Variants in RBBP8NL observed in about 807,000 individuals in gnomAD.
The protein encoded by RBBP8NL is RBBP8 N-terminal like.
A neutral mutation model predicts 62.2 loss-of-function variants in RBBP8NL; 59 were observed. The ratio of observed to expected loss-of-function variants is 0.95; its 90% CI spans 0.77 to 1.18. The LOEUF is 1.18. RBBP8NL is among the 50% of genes most tolerant of loss of function. The pLI is 0.00. For synonymous variants in RBBP8NL, 412 were observed against 394.1 expected (o/e 1.05, Z -0.54); for missense variants, 896 against 899.5 (o/e 1.00, Z 0.05).
chr20:62,416,273 T>TGGG, intron 5 of RBBP8NL, 37 bp from the exon 6 acceptor site: 2 of 140,718 alleles, frequency 1.4e-5, no homozygotes, highest in Non-Finnish European at 2.8e-5. Flanking sequence ...AGCCAGGGGT[T>TGGG]GGGGGGGACA....
At chr20:62,411,813 G>A (rs1403251793) in intron 13 of RBBP8NL, among the ~76,000 whole-genome samples, 1 of 152,258 alleles carries the variant, frequency 6.6e-6, no homozygotes, top group Non-Finnish European at 1.5e-5. Flanking sequence ...AGCAGGAAGT[G>A]CCTCAAATAA....
chr20:62,414,695 G>T, intron 9 of RBBP8NL, 139 bp from the exon 10 acceptor site: 2 of 1,003,816 alleles, frequency 2.0e-6, no homozygotes, highest in Non-Finnish European at 2.7e-6. Context: ...AAGCTGCATG[G>T]GTCCCATGGC....
chr20:62,413,908 G>A lies in RBBP8NL; in HGVS notation c.1443C>T (p.Ser481=), dbSNP rs377275739. ...CCTGGGGACTGCGAGTCAGGGGTCC[G>A]GACTGGGTGGGTGGCTCGGGGCTGG... ...HTASPEPPTQ[S]GPLTRSPQAL... The change falls in exon 10 of 14, where the codon TCC becomes TCT. Residue 481 remains serine (S), a synonymous_variant. Transcript: ENST00000252998. 114 of 1,593,052 alleles carry A rather than the reference G, an allele frequency of 7.2e-5. No individual in the cohort carries two copies. Among genetic ancestry groups the A allele is most frequent in the Non-Finnish European group, 9.2e-5 (108 of 1,170,686 alleles).
intron 1 of RBBP8NL, among the ~76,000 whole-genome samples, chr20:62,423,401 T>C (rs988415036): frequency 2.6e-5 from 4 of 152,130 alleles, no homozygotes; most frequent in African/African-American, 9.7e-5. Context: ...TGGCTTTTCC[T>C]GGCCAAGGGG....
At chr20:62,426,169 G>C (rs1988804155) in intron 1 of RBBP8NL, among the ~76,000 whole-genome samples, 1 of 151,846 alleles carries the variant, frequency 6.6e-6, no homozygotes, top group Non-Finnish European at 1.5e-5. Context: ...GGTGACAGTG[G>C]CAGTGGAAGC....
chr20:62,424,235 G>C (rs970335482), intron 1 of RBBP8NL, among the ~76,000 whole-genome samples: 1 of 152,034 alleles, frequency 6.6e-6, no homozygotes, highest in Non-Finnish European at 1.5e-5. Context: ...TGGAAGGAGT[G>C]GGGGAAGGGG....
At chr20:62,424,923 T>C (rs970730011) in intron 1 of RBBP8NL, among the ~76,000 whole-genome samples, 3 of 151,424 alleles carry the variant, frequency 2.0e-5, no homozygotes, top group African/African-American at 7.3e-5. Flanking sequence ...GGGGCAGGGG[T>C]CGCATTCCTG....
rs1455249953 is a variant in RBBP8NL at position 62,416,220 on chromosome 20, C to T, written c.330G>A (p.Gly110=). The T allele has an allele frequency of 6.2e-7, 1 of 1,612,304 alleles. No homozygotes were observed. The highest frequency in any genetic ancestry group is 1.3e-5 in the African/African-American group (1 of 74,780). ...RIFILTNEMN[G]LKEENETLKE... ...TCAAGGTCTCGTTCTCTTCCTTCAG[C>T]CCGTTCATCTCGTTGGCTGCAAAAG... Residue 110 remains glycine (G), a synonymous_variant, in exon 6 of 14, where the codon GGG becomes GGA. Transcript: ENST00000252998.
Position 62,416,817 on chromosome 20 carries a change from G to T in RBBP8NL, c.256C>A (p.Arg86=). 1 of 1,588,016 alleles carries T rather than the reference G, an allele frequency of 6.3e-7. No homozygotes were observed. Among genetic ancestry groups the T allele is most frequent in the Non-Finnish European group, 8.6e-7 (1 of 1,167,022 alleles). The change falls in exon 5 of 14, where the codon CGG becomes AGG. Residue 86 remains arginine, a synonymous_variant. Transcript: ENST00000252998. ...CMVTQELARK[R]QQEFESSHLQ... ...TGGGAGCTCTCGAACTCCTGCTGCC[G>T]CTTCCTGGCCAGCTCCTGGGTGACC...
At chr20:62,421,860 A>G (rs552306737) in intron 1 of RBBP8NL, among the ~76,000 whole-genome samples, 1 of 145,042 alleles carries the variant, frequency 6.9e-6, no homozygotes, top group African/African-American at 2.6e-5. Flanking sequence ...TGTGTGTGCC[A>G]TGTGTGTGCA....
intron 11 of RBBP8NL, 34 bp from the exon 12 acceptor site, chr20:62,412,934 T>C (rs1215523657): frequency 5.0e-6 from 8 of 1,610,144 alleles, no homozygotes; most frequent in African/African-American, 1.3e-5. Context: ...CAGGCCAGGC[T>C]GGTGGCACCG....
At chr20:62,416,687 C>T (rs1988574317) in intron 5 of RBBP8NL, 73 bp downstream of exon 5, 18 of 1,040,932 alleles carry the variant, frequency 1.7e-5, no homozygotes, top group South Asian at 4.2e-5. Flanking sequence ...CATGCCCCTA[C>T]ATGGGCTGAA....
At chr20:62,417,433 G>C (rs1016826783) in intron 3 of RBBP8NL, 114 bp from the exon 4 acceptor site, 8 of 770,910 alleles carry the variant, frequency 1.0e-5, no homozygotes, top group Non-Finnish European at 1.3e-5. Context: ...CTTGGTCTGG[G>C]GGCAACGCCT....
chr20:62,416,716 G>A, intron 5 of RBBP8NL, 44 bp downstream of exon 5: 1 of 1,402,148 alleles, frequency 7.1e-7, no homozygotes, highest in South Asian at 1.2e-5. Context: ...GGGTCGCCTG[G>A]CCCCGTGGGA....
At position 62,413,952 on chromosome 20, in the gene RBBP8NL, G is replaced by T; in HGVS notation, c.1399C>A (p.Pro467Thr). The change falls in exon 10 of 14, where the codon CCT becomes ACT. Residue 467 changes from proline to threonine, a missense_variant. Pro to Thr is a conservative substitution (Grantham distance 38, BLOSUM62 -1). Coordinates refer to ENST00000252998, the MANE Select transcript of RBBP8NL (RefSeq NM_080833.3). The stretch of plus-strand genomic sequence containing the variant: ...GGGCTGGCAGTGTGGGCAGCGGCAG[G>T]GCTGAGTGACCCATGCTGGCCGGCC... ...KPAGQHGSLSPAAAHTASPEP... is the reference protein window; with the variant it reads ...KPAGQHGSLSTAAAHTASPEP... The T allele has an allele frequency of 6.3e-7, 1 of 1,583,214 alleles. No individual in the cohort carries two copies. Among genetic ancestry groups the T allele is most frequent in the East Asian group, 2.3e-5 (1 of 43,170 alleles).
chr20:62,420,383 C>T (rs1371867361), intron 1 of RBBP8NL, among the ~76,000 whole-genome samples: 1 of 136,726 alleles, frequency 7.3e-6, no homozygotes, highest in Non-Finnish European at 1.6e-5. Context: ...CACACACACA[C>T]ACACACACAC....
In RBBP8NL at chr20:62,418,468, G is replaced by C. The variant is rs80077607; in HGVS notation, c.62-3C>G. Reference sequence around the variant, plus strand: ...TTCCAGAAGCTTGTTCTGCAGGCCTGGGGGAGCAAGCAGAGGGGCGGGGGG... The same window carrying C: ...TTCCAGAAGCTTGTTCTGCAGGCCTCGGGGAGCAAGCAGAGGGGCGGGGGG... On this transcript the variant is annotated splice_region_variant and splice_polypyrimidine_tract_variant and intron_variant, in intron 2 of 13. Coordinates refer to ENST00000252998, the MANE Select transcript of RBBP8NL (RefSeq NM_080833.3). 2.4e-5 allele frequency: 37 copies of C among 1,550,046 alleles called. No individual in the cohort carries two copies. In the Middle Eastern group the frequency reaches 1.0e-3, roughly 42 times the overall value.
rs746646870 is a variant in RBBP8NL at position 62,413,862 on chromosome 20, C to T, written c.1489G>A (p.Gly497Arg). Reference sequence around the variant, plus strand: ...TCCTCCTGCTCTGGCACTCTGGTCCCCTTGGTGCCATTGCTGAGTGCCTGG... The same window carrying T: ...TCCTCCTGCTCTGGCACTCTGGTCCTCTTGGTGCCATTGCTGAGTGCCTGG... The part of the protein sequence containing the change: ...SPQALSNGTK[G>R]TRVPEQEEAS... Residue 497 changes from glycine (G) to arginine (R), a missense_variant, in exon 10 of 14, where the codon GGG becomes AGG. Coordinates refer to ENST00000252998, the MANE Select transcript of RBBP8NL (RefSeq NM_080833.3). The T allele has an allele frequency of 1.3e-5, 20 of 1,596,508 alleles. No homozygotes were observed. In the Admixed American group the frequency reaches 2.9e-4, roughly 24 times the overall value.
rs1569023567 is a variant in RBBP8NL at position 62,413,629 on chromosome 20, C to T, written c.1531-84G>A. 27 of 1,462,848 alleles carry T rather than the reference C, an allele frequency of 1.8e-5. 1 individual carries two copies. The South Asian group carries it at 3.3e-4, about 18-fold the overall frequency. 90.6% of individuals were successfully genotyped at this position (1,462,848 alleles called of 1,614,324 possible). A position where few individuals can be genotyped will look rare whatever the true frequency, so the allele number is the denominator to read the frequency against. On this transcript the variant is annotated intron_variant, in intron 10 of 13. Transcript: ENST00000252998. ...CAGCCCTGGACAGCCGGTGGGACCC[C>T]TCTTGAGGCTGCAGCTGGTGGAGGG...
Sources: gnomAD v4.1 joint callset for allele counts (sites outside exome capture counted in the v4.1 genomes callset) on GRCh38, gnomAD v4.1.1 for gene constraint, MANE v1.5 for transcripts, NCBI Gene and HGNC (gene_info 2026-07-23, HGNC 2026-07-21) for gene names.